Variants in EXOC6B observed in about 807,000 individuals in gnomAD.
The protein encoded by EXOC6B is exocyst complex component 6B.
Under a neutral mutation model 113.5 loss-of-function variants are expected in EXOC6B, and 54 were observed. The ratio of observed to expected loss-of-function variants is 0.48; its 90% CI spans 0.38 to 0.60. The LOEUF (loss-of-function observed/expected upper bound fraction) is 0.60. Ranked by LOEUF, EXOC6B falls within the 20% of genes least tolerant of loss-of-function variation. EXOC6B has a pLI of 0.00. For synonymous variants in EXOC6B, 357 were observed against 339.0 expected, an observed-to-expected ratio of 1.05 and a Z score of -0.58; for missense variants, 797 against 977.5, an observed-to-expected ratio of 0.82 and a Z score of 2.46.
chr2:72,344,689 T>C (rs1689220592), intron 19 of EXOC6B, among the ~76,000 whole-genome samples: 1 of 152,142 alleles, frequency 6.6e-6, no homozygotes. Context: ...CTCTCACATC[T>C]TTTCTGAGCA....
chr2:72,772,391 A>G (rs1221755401), intron 1 of EXOC6B, among the ~76,000 whole-genome samples: 2 of 152,122 alleles, frequency 1.3e-5, no homozygotes, highest in Admixed American at 6.5e-5. Context: ...GGCCTGCCCA[A>G]TAGAACCTGG....
At chr2:72,659,519 A>C (rs1387824914) in intron 6 of EXOC6B, among the ~76,000 whole-genome samples, 1 of 152,092 alleles carries the variant, frequency 6.6e-6, no homozygotes, top group Non-Finnish European at 1.5e-5. Flanking sequence ...TATATAAGGA[A>C]TCTGTATCTT....
chr2:72,507,290 G>A (rs1342637208), intron 11 of EXOC6B, among the ~76,000 whole-genome samples: 1 of 152,084 alleles, frequency 6.6e-6, no homozygotes, highest in Non-Finnish European at 1.5e-5. Flanking sequence ...ATGAAATACA[G>A]TGAGCATTTG....
At chr2:72,301,802 G>T (rs1686548901) in intron 20 of EXOC6B, among the ~76,000 whole-genome samples, 1 of 152,064 alleles carries the variant, frequency 6.6e-6, no homozygotes, top group African/African-American at 2.4e-5. Flanking sequence ...TCCTAGATTT[G>T]TTGATCCTGT....
Position 72,530,644 on chromosome 2 carries a change from A to G in EXOC6B, c.916-15518T>C, listed in dbSNP as rs191772510. ...CTATATTCTTACTGAAATCCTGACC[A>G]GTCATTTTATCAATTTTTAGGAGTT... is the stretch of plus-strand genomic sequence containing the variant. On this transcript the variant is annotated intron_variant, in intron 8 of 21. Transcript: ENST00000272427. Among the ~76,000 whole-genome samples the G allele has an allele frequency of 1.3e-3, 194 of 152,260 alleles. 1 individual carries two copies. Among genetic ancestry groups the G allele is most frequent in the African/African-American group, 4.4e-3 (184 of 41,566 alleles).
chr2:72,528,018 TTCTG>T (rs1701820684), intron 8 of EXOC6B, among the ~76,000 whole-genome samples: 1 of 152,052 alleles, frequency 6.6e-6, no homozygotes, highest in South Asian at 2.1e-4. Context: ...CAGCAGAGTC[TTCTG>T]TAGAGTAAAA....
chr2:72,321,004 G>A (rs1687815186), intron 20 of EXOC6B, among the ~76,000 whole-genome samples: 1 of 151,884 alleles, frequency 6.6e-6, no homozygotes, highest in Non-Finnish European at 1.5e-5. Context: ...TAGTCATTAG[G>A]TTAATACAGA....
At chr2:72,749,212 T>G (rs1412963630) in intron 1 of EXOC6B, among the ~76,000 whole-genome samples, 1 of 152,110 alleles carries the variant, frequency 6.6e-6, no homozygotes, top group Admixed American at 6.6e-5. Flanking sequence ...TTATTGACTC[T>G]AACCTAGAAA....
intron 17 of EXOC6B, among the ~76,000 whole-genome samples, chr2:72,480,082 T>C (rs982078790): frequency 7.9e-5 from 12 of 152,002 alleles, no homozygotes; most frequent in Non-Finnish European, 1.6e-4. Flanking sequence ...CACACGCCTA[T>C]AATCTCAACT....
intron 6 of EXOC6B, among the ~76,000 whole-genome samples, chr2:72,633,696 T>C (rs952702685): frequency 1.3e-5 from 2 of 152,194 alleles, no homozygotes; most frequent in African/African-American, 4.8e-5. Context: ...AACAGTACCA[T>C]GGAGCTGACT....
chr2:72,279,465 T>C (rs961973827), intron 20 of EXOC6B, among the ~76,000 whole-genome samples: 1 of 152,072 alleles, frequency 6.6e-6, no homozygotes, highest in Admixed American at 6.6e-5. Flanking sequence ...TATTAAAGAG[T>C]AGCTTTTTTT....
intron 20 of EXOC6B, among the ~76,000 whole-genome samples, chr2:72,228,680 C>G (rs372778508): frequency 6.6e-6 from 1 of 152,088 alleles, no homozygotes; most frequent in African/African-American, 2.4e-5. Flanking sequence ...GGACATTTGG[C>G]TTGGTTCCAA....
intron 7 of EXOC6B, among the ~76,000 whole-genome samples, chr2:72,564,338 T>C (rs1704047692): frequency 6.6e-6 from 1 of 152,182 alleles, no homozygotes; most frequent in South Asian, 2.1e-4. Context: ...TCAAAGTAGA[T>C]GGATCATCCA....
intron 1 of EXOC6B, among the ~76,000 whole-genome samples, chr2:72,761,642 A>T (rs1682748020): frequency 6.6e-6 from 1 of 152,204 alleles, no homozygotes; most frequent in Non-Finnish European, 1.5e-5. Context: ...TTTTCTCAGA[A>T]ATTTAACAAG....
At chr2:72,564,664 A>C (rs1337366517) in intron 7 of EXOC6B, among the ~76,000 whole-genome samples, 1 of 152,212 alleles carries the variant, frequency 6.6e-6, no homozygotes, top group East Asian at 1.9e-4. Flanking sequence ...GCTTCCCAAA[A>C]TTCAGAGAAA....
At chr2:72,523,611 T>C (rs1419403689) in intron 8 of EXOC6B, among the ~76,000 whole-genome samples, 1 of 151,678 alleles carries the variant, frequency 6.6e-6, no homozygotes, top group African/African-American at 2.4e-5. Context: ...ACCCCGTCTG[T>C]ACTACAAATA....
At chr2:72,456,539 T>C (rs1433356623) in intron 18 of EXOC6B, among the ~76,000 whole-genome samples, 1 of 152,164 alleles carries the variant, frequency 6.6e-6, no homozygotes, top group Non-Finnish European at 1.5e-5. Flanking sequence ...ATCAATCTAA[T>C]AGACACGATG....
chr2:72,662,118 G>A (rs1216064294), intron 6 of EXOC6B, among the ~76,000 whole-genome samples: 1 of 132,398 alleles, frequency 7.6e-6, no homozygotes, highest in African/African-American at 2.8e-5. Context: ...GAAGGGGGGA[G>A]GGGGGAAAGG....
chr2:72,767,216 G>A (rs1302018966), intron 1 of EXOC6B, among the ~76,000 whole-genome samples: 1 of 152,030 alleles, frequency 6.6e-6, no homozygotes, highest in Non-Finnish European at 1.5e-5. Context: ...TATCACCTGA[G>A]GTTAGGAGTT....
Sources: allele counts gnomAD v4.1 joint callset (sites outside exome capture counted in the v4.1 genomes callset), GRCh38; gene constraint gnomAD v4.1.1; transcripts MANE v1.5; gene names NCBI Gene and HGNC (gene_info 2026-07-23, HGNC 2026-07-21).